MACROD1: variants seen among roughly 807,000 people sequenced by gnomAD.
MACROD1 encodes the protein ADP-ribose glycohydrolase MACROD1.
MACROD1 carries 31 observed loss-of-function variants against 41.4 expected under a neutral mutation model. That is an observed-to-expected ratio of 0.75 (90% CI 0.56 to 1.01). MACROD1 has a LOEUF of 1.01. Ranked by LOEUF, MACROD1 falls within the 50% of genes least tolerant of loss-of-function variation. The pLI, the probability that MACROD1 is intolerant of heterozygous loss-of-function variation, is 0.00. For missense variants in MACROD1, 473 were observed against 460.0 expected (o/e 1.03, Z -0.26); for synonymous variants, 252 against 203.4 (o/e 1.24, Z -2.03).
rs1945593596 is a variant in MACROD1, at chr11:64,152,349, A to G, written c.343T>C (p.Phe115Leu). 1 of 1,614,134 alleles carries G rather than the reference A, an allele frequency of 6.2e-7. No homozygotes were observed. Among genetic ancestry groups the G allele is most frequent in the Admixed American group, 1.7e-5 (1 of 60,010 alleles). The change falls in exon 2 of 11, where the codon TTC becomes CTC. Residue 115 changes from phenylalanine to leucine, a missense_variant. Phe to Leu is a conservative substitution (Grantham distance 22). Coordinates refer to ENST00000255681, the MANE Select transcript of MACROD1 (RefSeq NM_014067.4). ...TTCAGCCTGACAAAGTCCTTGCAGA[A>G]GTAATGTTCCTCCCGCTGCTTGTCA... ...LSDKQREEHYFCKDFVRLKKI... is the reference protein window; with the variant it reads ...LSDKQREEHYLCKDFVRLKKI...
chr11:64,072,104 T>TA (rs1944119941), intron 3 of MACROD1, among the ~76,000 whole-genome samples: 1 of 152,196 alleles, frequency 6.6e-6, no homozygotes, highest in Non-Finnish European at 1.5e-5. Flanking sequence ...GCTGAACTCA[T>TA]AACCGCTGGG....
intron 3 of MACROD1, among the ~76,000 whole-genome samples, chr11:64,093,805 A>C (rs1412190436): frequency 6.6e-6 from 1 of 152,208 alleles, no homozygotes; most frequent in East Asian, 1.9e-4. Flanking sequence ...CCAGGGTGGA[A>C]GGAGGGAGGA....
At chr11:64,040,121 A>G (rs564555830) in intron 3 of MACROD1, among the ~76,000 whole-genome samples, 5 of 152,370 alleles carry the variant, frequency 3.3e-5, no homozygotes, top group African/African-American at 1.2e-4. Flanking sequence ...GTGGGGAACA[A>G]AAGCAGTGGG....
chr11:64,001,732 A>C (rs373559142), intron 4 of MACROD1: 2 of 702,306 alleles, frequency 2.8e-6, no homozygotes. Context: ...AGGCAGCTGT[A>C]GCCCAGGGCG....
At chr11:64,087,169 G>A (rs761881297) in intron 3 of MACROD1, 5 of 152,176 alleles carry the variant, frequency 3.3e-5, no homozygotes, top group African/African-American at 7.2e-5. Flanking sequence ...AATAAATGAC[G>A]GCACGGTTCA....
intron 3 of MACROD1, among the ~76,000 whole-genome samples, chr11:64,061,080 A>G (rs1590854316): frequency 6.6e-6 from 1 of 151,966 alleles, no homozygotes; most frequent in African/African-American, 2.4e-5. Context: ...CCCACTCCCA[A>G]CCACCTGAGA....
At chr11:64,080,395 A>G (rs1325056771) in intron 3 of MACROD1, among the ~76,000 whole-genome samples, 1 of 152,210 alleles carries the variant, frequency 6.6e-6, no homozygotes, top group African/African-American at 2.4e-5. Flanking sequence ...TCACCCCTTC[A>G]ACGTGTAGAA....
intron 3 of MACROD1, among the ~76,000 whole-genome samples, chr11:64,092,218 G>A (rs778788454): frequency 2.0e-5 from 3 of 151,712 alleles, no homozygotes; most frequent in Non-Finnish European, 2.9e-5. Flanking sequence ...ACCCACTAAC[G>A]TCTCCCCTGT....
At chr11:64,127,104 A>G (rs1003711195) in intron 3 of MACROD1, among the ~76,000 whole-genome samples, 1 of 152,068 alleles carries the variant, frequency 6.6e-6, no homozygotes, top group Admixed American at 6.5e-5. Flanking sequence ...CCACGACAAC[A>G]ACACAAACCA....
rs1453306153 is a variant in MACROD1 at position 64,096,858 on chromosome 11, C to T, written c.517+54381G>A. Among the ~76,000 whole-genome samples, 2 of 152,202 alleles carry T rather than the reference C, an allele frequency of 1.3e-5. No homozygotes were observed. Among genetic ancestry groups the T allele is most frequent in the African/African-American group, 2.4e-5 (1 of 41,464 alleles). ...AAGCACACTGCCAGCTGTGTCCCTT[C>T]GAGGGCCTCCCCCGGCAGAGCTGAG... On this transcript the variant is annotated intron_variant, in intron 3 of 10. Coordinates refer to ENST00000255681, the MANE Select transcript of MACROD1 (RefSeq NM_014067.4). The surrounding 1 kb of genome is among the most constrained non-coding windows in gnomAD (Gnocchi z 4.6).
At position 64,145,839 on chromosome 11, in the gene MACROD1, G is replaced by A. The variant is rs368458200; in HGVS notation, c.517+5400C>T. On this transcript the variant is annotated intron_variant, in intron 3 of 10. Transcript: ENST00000255681. ...GGATGGAGTGCAGTGGCACAATCTC[G>A]GCTCACCGCAACCTCCACCTCCCAG... Among the ~76,000 whole-genome samples the A allele has an allele frequency of 1.0e-3, 154 of 151,996 alleles. 1 individual carries two copies. The highest frequency in any genetic ancestry group is 3.2e-3 in the African/African-American group (134 of 41,436).
intron 3 of MACROD1, among the ~76,000 whole-genome samples, chr11:64,025,852 T>C (rs978144824): frequency 5.9e-5 from 9 of 151,820 alleles, no homozygotes; most frequent in Admixed American, 2.0e-4. Flanking sequence ...CCCAAGTAGC[T>C]AGGACTACAG....
chr11:64,142,663 G>A (rs995929698), intron 3 of MACROD1, among the ~76,000 whole-genome samples: 9 of 152,288 alleles, frequency 5.9e-5, no homozygotes, highest in Admixed American at 1.3e-4. Flanking sequence ...GGGATGAGCC[G>A]CCCTCCTCTT....
intron 7 of MACROD1, 43 bp downstream of exon 7, chr11:63,999,487 G>A (rs1265790787): frequency 6.3e-7 from 1 of 1,583,604 alleles, no homozygotes; most frequent in Admixed American, 1.8e-5. Context: ...CGGCGTCTGG[G>A]TCCACCGCCC....
At chr11:64,131,554 C>T (rs1413430680) in intron 3 of MACROD1, among the ~76,000 whole-genome samples, 2 of 152,098 alleles carry the variant, frequency 1.3e-5, no homozygotes, top group Non-Finnish European at 2.9e-5. Context: ...CTTGAACTCC[C>T]AACTTCAATG....
intron 3 of MACROD1, among the ~76,000 whole-genome samples, chr11:64,094,434 A>G (rs1944541780): frequency 6.6e-6 from 1 of 151,922 alleles, no homozygotes. Flanking sequence ...CCAACTTAAA[A>G]AAAAAAAAAA....
At chr11:64,045,375 G>A (rs1590832457) in intron 3 of MACROD1, among the ~76,000 whole-genome samples, 2 of 113,786 alleles carry the variant, frequency 1.8e-5, no homozygotes, top group Admixed American at 8.3e-5. Flanking sequence ...CTGCTCCGCC[G>A]GGACCTGGGC....
chr11:64,148,991 C>T, intron 3 of MACROD1: 1 of 985,372 alleles, frequency 1.0e-6, no homozygotes, highest in African/African-American at 1.7e-5. Context: ...TCCGTCATTC[C>T]CTGGGATTCC....
chr11:64,159,503 TAAAC>T (rs1411750071), intron 1 of MACROD1, among the ~76,000 whole-genome samples: 2 of 120,304 alleles, frequency 1.7e-5, no homozygotes, highest in East Asian at 2.6e-4. Flanking sequence ...CTCAAATAAA[TAAAC>T]AAACAGGCCA....
Sources: allele counts gnomAD v4.1 joint callset (sites outside exome capture counted in the v4.1 genomes callset), GRCh38; gene constraint gnomAD v4.1.1; non-coding constraint Gnocchi (gnomAD v3.1); transcripts MANE v1.5; gene names NCBI Gene and HGNC (gene_info 2026-07-23, HGNC 2026-07-21).